The following PRDM16 variants were observed in gnomAD, a reference collection of about 807,000 sequenced individuals.
The protein encoded by PRDM16 is PR/SET domain 16, also known as histone-lysine N-methyltransferase PRDM16.
Under a neutral mutation model 110.6 loss-of-function variants are expected in PRDM16, and 23 were observed. The observed-to-expected ratio is 0.21, with a 90% CI of 0.15 to 0.29. PRDM16 has a LOEUF of 0.29. PRDM16 is among the 10% of genes least tolerant of loss of function. The probability of loss-of-function intolerance (pLI) is 1.00; values close to 1 mark genes in which losing one functional copy is unlikely to be tolerated. For missense variants in PRDM16, 1,615 were observed against 1,794.3 expected, an observed-to-expected ratio of 0.90 and a Z score of 1.81; for synonymous variants, 799 against 781.8, an observed-to-expected ratio of 1.02 and a Z score of -0.37.
intron 3 of PRDM16, among the ~76,000 whole-genome samples, chr1:3,335,421 G>A (rs936633221): frequency 6.6e-6 from 1 of 152,208 alleles, no homozygotes; most frequent in South Asian, 2.1e-4. Flanking sequence ...GGCGTCCGTA[G>A]AGAACACGTC....
rs1392992555 is a variant in PRDM16, at chr1:3,081,736, G to A, written c.37+12440G>A. 6.6e-6 allele frequency among the ~76,000 whole-genome samples: 1 copy of A among 152,106 alleles called. No individual in the cohort carries two copies. Among genetic ancestry groups the A allele is most frequent in the Non-Finnish European group, 1.5e-5 (1 of 68,008 alleles). On this transcript the variant is annotated intron_variant, in intron 1 of 16. Transcript: ENST00000270722. The surrounding 1 kb of genome is among the most constrained non-coding windows in gnomAD (Gnocchi z 4.6). Reference sequence around the variant, plus strand: ...GGTCACTAGAGAGTGGGTAGAGCCTGGCCACAGGGCACGTGGGAGGCCCCC... The same window carrying A: ...GGTCACTAGAGAGTGGGTAGAGCCTAGCCACAGGGCACGTGGGAGGCCCCC...
intron 1 of PRDM16, among the ~76,000 whole-genome samples, chr1:3,110,220 G>A (rs1642757120): frequency 7.1e-6 from 1 of 141,700 alleles, no homozygotes; most frequent in Non-Finnish European, 1.5e-5. Context: ...AGTGCTCGGG[G>A]GCTCCCCTCT....
chr1:3,265,818 C>T lies in PRDM16; in HGVS notation c.438+21681C>T, dbSNP rs1419754458. Among the ~76,000 whole-genome samples the T allele has an allele frequency of 6.6e-6, 1 of 152,132 alleles. No individual in the cohort carries two copies. Among genetic ancestry groups the T allele is most frequent in the Non-Finnish European group, 1.5e-5 (1 of 68,004 alleles). On this transcript the variant is annotated intron_variant, in intron 3 of 16. Transcript: ENST00000270722. The surrounding 1 kb of genome is among the most constrained non-coding windows in gnomAD (Gnocchi z 4.5). ...CGCCCAGACCCTAGGAGCCCCCAGA[C>T]CCTGCCTCAGTGGGTCGTGCCCAGG...
At chr1:3,098,325 G>T (rs1415342298) in intron 1 of PRDM16, among the ~76,000 whole-genome samples, 1 of 152,318 alleles carries the variant, frequency 6.6e-6, no homozygotes, top group East Asian at 1.9e-4. Context: ...CTGCTCCTGG[G>T]TGTCAACTCT....
At chr1:3,337,986 C>T (rs1175932197) in intron 3 of PRDM16, among the ~76,000 whole-genome samples, 2 of 152,204 alleles carry the variant, frequency 1.3e-5, no homozygotes, top group African/African-American at 4.8e-5. Flanking sequence ...GAACATAGTA[C>T]ACAAAAACAC....
chr1:3,283,812 C>T (rs13374621), intron 3 of PRDM16, among the ~76,000 whole-genome samples: 5 of 152,228 alleles, frequency 3.3e-5, no homozygotes, highest in Admixed American at 6.5e-5. Flanking sequence ...CCAGCAAAGC[C>T]GGCTGGTGGT....
intron 1 of PRDM16, among the ~76,000 whole-genome samples, chr1:3,182,814 G>T (rs1046132216): frequency 6.6e-6 from 1 of 152,172 alleles, no homozygotes; most frequent in African/African-American, 2.4e-5. Context: ...ACATAGACTC[G>T]GCTGGAACTG....
At chr1:3,225,126 A>G (rs1483864545) in intron 2 of PRDM16, among the ~76,000 whole-genome samples, 1 of 151,288 alleles carries the variant, frequency 6.6e-6, no homozygotes, top group Admixed American at 6.6e-5. Context: ...AAGGTCATAT[A>G]TGCTTGGCAA....
rs1642462129 is a variant in PRDM16, at chr1:3,350,569, G to A, written c.439-34583G>A. 6.6e-6 allele frequency among the ~76,000 whole-genome samples: 1 copy of A among 152,166 alleles called. No individual in the cohort carries two copies. The highest frequency in any genetic ancestry group is 2.1e-4 in the South Asian group (1 of 4,834). On this transcript the variant is annotated intron_variant, in intron 3 of 16. Transcript: ENST00000270722. The surrounding 1 kb of genome is among the most constrained non-coding windows in gnomAD (Gnocchi z 7.1). Reference sequence around the variant, plus strand: ...TGCAGGACAAGGGGAGGGGACCAGGGTGGCAGGCAGCTGTGGGCGGGTGGA... The same window carrying A: ...TGCAGGACAAGGGGAGGGGACCAGGATGGCAGGCAGCTGTGGGCGGGTGGA...
chr1:3,199,602 A>G (rs1449516483), intron 2 of PRDM16, among the ~76,000 whole-genome samples: 1 of 152,138 alleles, frequency 6.6e-6, no homozygotes, highest in African/African-American at 2.4e-5. Context: ...TCCTGGAGCT[A>G]GGTTTGCACT....
intron 10 of PRDM16, among the ~76,000 whole-genome samples, chr1:3,415,648 C>T (rs111652194): frequency 0.025 from 3,861 of 152,344 alleles, 77 homozygotes; most frequent in Middle Eastern, 0.078. Flanking sequence ...TCTGATCGGG[C>T]GGAGCAAGCC....
At chr1:3,389,571 C>G (rs1416944741) in intron 4 of PRDM16, among the ~76,000 whole-genome samples, 1 of 152,190 alleles carries the variant, frequency 6.6e-6, no homozygotes, top group Non-Finnish European at 1.5e-5. Flanking sequence ...CCGAGCAGAG[C>G]CAGAGGCCAC....
intron 10 of PRDM16, among the ~76,000 whole-genome samples, chr1:3,417,535 C>A (rs564241772): frequency 1.1e-4 from 17 of 152,302 alleles, no homozygotes; most frequent in African/African-American, 3.8e-4. Flanking sequence ...TCACTCAGGT[C>A]CCGCCCAAAC....
intron 3 of PRDM16, among the ~76,000 whole-genome samples, chr1:3,314,345 G>T (rs1641547008): frequency 6.6e-6 from 1 of 152,194 alleles, no homozygotes; most frequent in Admixed American, 6.5e-5. Context: ...CTGGAAAGGA[G>T]AGGGAGAGAG....
At position 3,411,907 on chromosome 1, in the gene PRDM16, G is replaced by C; in HGVS notation, c.1710G>C (p.Thr570=). The part of the protein sequence containing the change: ...SAVSNSSQGT[T]AAAGPEEKFE... ...TCAGCAACAGCAGCCAGGGCACGAC[G>C]GCAGCTGCGGGGCCCGAGGAGAAGT... is the stretch of plus-strand genomic sequence containing the variant. The change falls in exon 9 of 17, where the codon ACG becomes ACC. Residue 570 remains threonine (T), a synonymous_variant. Coordinates refer to ENST00000270722, the MANE Select transcript of PRDM16 (RefSeq NM_022114.4). 1.2e-6 allele frequency: 2 copies of C among 1,613,640 alleles called. No homozygotes were observed. The highest frequency in any genetic ancestry group is 1.7e-6 in the Non-Finnish European group (2 of 1,179,846).
intron 8 of PRDM16, among the ~76,000 whole-genome samples, 189 bp from the exon 9 acceptor site, chr1:3,411,195 G>A (rs769382571): frequency 2.0e-5 from 3 of 152,130 alleles, no homozygotes; most frequent in Admixed American, 6.5e-5. Flanking sequence ...TTGTGTGTAC[G>A]CACACACGCA....
At chr1:3,231,186 C>T (rs919696214) in intron 2 of PRDM16, among the ~76,000 whole-genome samples, 16 of 152,186 alleles carry the variant, frequency 1.1e-4, no homozygotes, top group Non-Finnish European at 1.9e-4. Context: ...TTTTACAACC[C>T]TTCATACACG....
At chr1:3,251,443 A>G (rs912219717) in intron 3 of PRDM16, among the ~76,000 whole-genome samples, 4 of 152,072 alleles carry the variant, frequency 2.6e-5, no homozygotes, top group East Asian at 3.9e-4. Context: ...GCTGCTCTTT[A>G]CTAGGTGTGG....
intron 1 of PRDM16, among the ~76,000 whole-genome samples, chr1:3,164,330 C>T (rs1643925679): frequency 6.6e-6 from 1 of 152,202 alleles, no homozygotes. Context: ...AAAGGTTTTG[C>T]CTCCTTGTTT....
Sources: allele counts gnomAD v4.1 joint callset (sites outside exome capture counted in the v4.1 genomes callset), GRCh38; gene constraint gnomAD v4.1.1; non-coding constraint Gnocchi (gnomAD v3.1); transcripts MANE v1.5; gene names NCBI Gene and HGNC (gene_info 2026-07-23, HGNC 2026-07-21).